Variants in PRSS23 observed in about 807,000 individuals in gnomAD.
PRSS23 encodes serine protease 23.
In PRSS23, 25 loss-of-function variants were observed where a neutral mutation model predicts 34.7. The ratio of observed to expected loss-of-function variants is 0.72; its 90% CI spans 0.53 to 1.01. PRSS23 has a LOEUF of 1.01. PRSS23 is among the 50% of genes least tolerant of loss of function. The pLI is 0.00. For synonymous variants in PRSS23, 176 were observed against 186.6 expected (o/e 0.94, Z 0.46); for missense variants, 445 against 475.6 (o/e 0.94, Z 0.60).
chr11:86,831,056 G>A (rs1310033033), intron 2 of PRSS23, among the ~76,000 whole-genome samples: 3 of 151,974 alleles, frequency 2.0e-5, no homozygotes, highest in Admixed American at 6.6e-5. Flanking sequence ...TAATGTCAAC[G>A]GGGTTTACAA....
chr11:86,819,525 G>A (rs1948238305), intron 1 of PRSS23, among the ~76,000 whole-genome samples: 1 of 152,066 alleles, frequency 6.6e-6, no homozygotes, highest in Non-Finnish European at 1.5e-5. Flanking sequence ...TAATTTCAAA[G>A]TCAGCATTCC....
intron 1 of PRSS23, among the ~76,000 whole-genome samples, chr11:86,803,866 A>C (rs940556311): frequency 6.6e-6 from 1 of 152,178 alleles, no homozygotes; most frequent in African/African-American, 2.4e-5. Context: ...GATCAGGGAA[A>C]TCTTGTCTGC....
intron 2 of PRSS23, among the ~76,000 whole-genome samples, chr11:86,926,547 G>A (rs1949082981): frequency 6.6e-6 from 1 of 152,178 alleles, no homozygotes; most frequent in African/African-American, 2.4e-5. Context: ...AAGTGTGGCT[G>A]AGCTTCATAA....
chr11:86,834,188 C>G (rs373315623), intron 2 of PRSS23, among the ~76,000 whole-genome samples: 1 of 152,158 alleles, frequency 6.6e-6, no homozygotes, highest in Non-Finnish European at 1.5e-5. Context: ...TTTGAAGAGG[C>G]CTGGTCCAGT....
chr11:86,891,119 G>A (rs1355577359), intron 2 of PRSS23, among the ~76,000 whole-genome samples: 2 of 152,154 alleles, frequency 1.3e-5, no homozygotes, highest in East Asian at 1.9e-4. Context: ...CAATTGCCAA[G>A]CCTGTTTTCT....
At chr11:86,951,556 G>A (rs144358659) in exon 3 of PRSS23, 3 of 1,614,084 alleles carry the variant, frequency 1.9e-6, no homozygotes, top group East Asian at 2.2e-5. Context: ...AAGTTCCAAT[G>A]ACCAAATAAG....
chr11:86,935,364 G>A (rs1010452637), intron 2 of PRSS23: 4 of 151,492 alleles, frequency 2.6e-5, no homozygotes, highest in South Asian at 2.1e-4. Context: ...TGTTTAATGC[G>A]GGAAAAGATG....
At chr11:86,816,424 C>T (rs1948215624) in intron 1 of PRSS23, among the ~76,000 whole-genome samples, 1 of 152,214 alleles carries the variant, frequency 6.6e-6, no homozygotes, top group Non-Finnish European at 1.5e-5. Context: ...CACAAAATAT[C>T]TTGGCCTCAG....
intron 1 of PRSS23, among the ~76,000 whole-genome samples, chr11:86,822,498 A>C (rs1057199446): frequency 6.6e-6 from 1 of 151,832 alleles, no homozygotes; most frequent in East Asian, 1.9e-4. Flanking sequence ...AAGTGTGCCT[A>C]TAGTCCCAGC....
At chr11:86,938,860 G>C (rs949851975) in intron 2 of PRSS23, among the ~76,000 whole-genome samples, 6 of 152,106 alleles carry the variant, frequency 3.9e-5, no homozygotes, top group Admixed American at 3.9e-4. Context: ...AAGCAGAAAC[G>C]ACAGGCAGTC....
At chr11:86,914,689 C>A (rs1949000889) in intron 2 of PRSS23, among the ~76,000 whole-genome samples, 1 of 152,064 alleles carries the variant, frequency 6.6e-6, no homozygotes, top group Non-Finnish European at 1.5e-5. Flanking sequence ...CTTTTTTCCC[C>A]TTTTTAGTTG....
intron 1 of PRSS23, among the ~76,000 whole-genome samples, chr11:86,805,321 A>T (rs1948087682): frequency 6.6e-6 from 1 of 152,192 alleles, no homozygotes; most frequent in Non-Finnish European, 1.5e-5. Flanking sequence ...GGTTGTCATC[A>T]CCACACCCAT....
At chr11:86,920,234 T>G (rs1246524031) in intron 2 of PRSS23, among the ~76,000 whole-genome samples, 1 of 152,214 alleles carries the variant, frequency 6.6e-6, no homozygotes, top group East Asian at 1.9e-4. Context: ...TTTCCATTCA[T>G]AAAATAAGAA....
chr11:86,853,839 C>T (rs997139816), intron 2 of PRSS23, among the ~76,000 whole-genome samples: 4 of 152,136 alleles, frequency 2.6e-5, no homozygotes, highest in African/African-American at 9.7e-5. Context: ...ATTTTACGTT[C>T]CCTCCAATCA....
chr11:86,822,869 T>G (rs1171791877), intron 1 of PRSS23, among the ~76,000 whole-genome samples: 1 of 152,152 alleles, frequency 6.6e-6, no homozygotes, highest in Non-Finnish European at 1.5e-5. Flanking sequence ...AATCGGTGTT[T>G]CCTTCTGCCT....
chr11:86,829,462 T>G (rs1948332475), intron 2 of PRSS23, among the ~76,000 whole-genome samples: 1 of 152,070 alleles, frequency 6.6e-6, no homozygotes, highest in South Asian at 2.1e-4. Flanking sequence ...GCTCATAGTT[T>G]GATTGTCTGA....
intron 2 of PRSS23, among the ~76,000 whole-genome samples, chr11:86,878,105 T>C (rs1377606893): frequency 6.6e-6 from 1 of 152,200 alleles, no homozygotes; most frequent in Non-Finnish European, 1.5e-5. Flanking sequence ...TGTACTATAT[T>C]TGATATTACT....
At chr11:86,831,497 G>A (rs370915143) in intron 2 of PRSS23, among the ~76,000 whole-genome samples, 1 of 151,922 alleles carries the variant, frequency 6.6e-6, no homozygotes, top group East Asian at 1.9e-4. Flanking sequence ...AATGTTACAC[G>A]TGGTATACAC....
At chr11:86,871,935 T>C (rs1031266636) in intron 2 of PRSS23, among the ~76,000 whole-genome samples, 1 of 152,252 alleles carries the variant, frequency 6.6e-6, no homozygotes, top group African/African-American at 2.4e-5. Flanking sequence ...TGTGACTGTA[T>C]TTGTGTGCAC....
Sources: gnomAD v4.1 joint callset for allele counts (sites outside exome capture counted in the v4.1 genomes callset) on GRCh38, gnomAD v4.1.1 for gene constraint, MANE v1.5 for transcripts, NCBI Gene and HGNC (gene_info 2026-07-23, HGNC 2026-07-21) for gene names.